The following PKD1L1 variants were observed in gnomAD, a reference collection of about 807,000 sequenced individuals.
The protein encoded by PKD1L1 is polycystin 1 like 1, transient receptor potential channel interacting.
PKD1L1 carries 236 observed loss-of-function variants against 323.4 expected under a neutral mutation model. That is an observed-to-expected ratio of 0.73 (90% CI 0.66 to 0.81). The LOEUF (loss-of-function observed/expected upper bound fraction) is 0.81, where lower values mean the gene tolerates loss of function less well. Ranked by LOEUF, PKD1L1 falls within the 40% of genes least tolerant of loss-of-function variation. The probability of loss-of-function intolerance (pLI) is 0.00; values close to 1 mark genes in which losing one functional copy is unlikely to be tolerated. For synonymous variants in PKD1L1, 1,344 were observed against 1,335.0 expected (o/e 1.01, Z -0.15); for missense variants, 3,320 against 3,508.0 (o/e 0.95, Z 1.35).
At chr7:47,837,965 C>T (rs1583609803) in intron 36 of PKD1L1, among the ~76,000 whole-genome samples, 1 of 152,310 alleles carries the variant, frequency 6.6e-6, no homozygotes, top group East Asian at 1.9e-4. Context: ...CACACAAGTG[C>T]TCATACGTGA....
chr7:47,870,873 G>A (rs62447060), intron 24 of PKD1L1, among the ~76,000 whole-genome samples: 48,770 of 151,180 alleles, frequency 0.32, 8,398 homozygotes, highest in African/African-American at 0.43. Flanking sequence ...CTTGGGAGGC[G>A]GAGGTGGAAG....
chr7:47,943,427 G>A lies in PKD1L1; in HGVS notation c.129C>T (p.Ser43=), dbSNP rs780498114. 6.2e-7 allele frequency: 1 copy of A among 1,613,490 alleles called. No homozygotes were observed. The highest frequency in any genetic ancestry group is 8.5e-7 in the Non-Finnish European group (1 of 1,179,696). Residue 43 remains serine, a synonymous_variant, in exon 2 of 57, where the codon AGC becomes AGT. Coordinates refer to ENST00000289672, the MANE Select transcript of PKD1L1 (RefSeq NM_138295.5). ...ACAATCCACCTCCAGGAGGGCTACAGCTGCACAGATGAAGACCCCAGCTCT... is the reference window on the plus strand; with the variant it reads ...ACAATCCACCTCCAGGAGGGCTACAACTGCACAGATGAAGACCCCAGCTCT... ...TDKSWGLHLC[S]CSPPGGGLWV...
At chr7:47,904,020 T>C (rs961147203) in intron 12 of PKD1L1, among the ~76,000 whole-genome samples, 2 of 152,190 alleles carry the variant, frequency 1.3e-5, no homozygotes, top group Non-Finnish European at 2.9e-5. Flanking sequence ...CATCTCCTGT[T>C]GGCACCTCAC....
intron 41 of PKD1L1, 38 bp from the exon 42 acceptor site, chr7:47,831,390 G>A (rs1423322074): frequency 1.3e-6 from 2 of 1,580,798 alleles, no homozygotes. Context: ...CAGCTTAAGA[G>A]ACCTCGGCAT....
In PKD1L1 at chr7:47,906,038, T is replaced by C. The variant is rs1787199599; in HGVS notation, c.1403-76A>G. The C allele has an allele frequency of 2.2e-6, 3 of 1,339,744 alleles. No individual in the cohort carries two copies. In the African/African-American group the frequency reaches 4.6e-5, roughly 21 times the overall value. The allele number at this position is 1,339,744 out of a possible 1,614,324, so 83.0% of individuals were successfully genotyped here. On this transcript the variant is annotated intron_variant, in intron 9 of 56. Coordinates refer to ENST00000289672, the MANE Select transcript of PKD1L1 (RefSeq NM_138295.5). The stretch of plus-strand genomic sequence containing the variant: ...CTTTTATCATGCAACACACAGTCAG[T>C]ATTTTTCATTTTTAACTTTCCCCCT...
chr7:47,925,935 A>G (rs545060928), intron 7 of PKD1L1, among the ~76,000 whole-genome samples: 1 of 152,360 alleles, frequency 6.6e-6, no homozygotes, highest in African/African-American at 2.4e-5. Flanking sequence ...AAAAAATAAA[A>G]TATCATACAA....
chr7:47,856,431 C>G (rs1463131194), intron 28 of PKD1L1, among the ~76,000 whole-genome samples: 1 of 152,206 alleles, frequency 6.6e-6, no homozygotes, highest in Non-Finnish European at 1.5e-5. Context: ...TATCCCTATG[C>G]TGAACATTTA....
intron 51 of PKD1L1, 187 bp downstream of exon 51, chr7:47,809,286 G>GT (rs1214198122): frequency 1.9e-6 from 1 of 536,036 alleles, no homozygotes; most frequent in African/African-American, 1.9e-5. Context: ...GTACATGACG[G>GT]TAACTGTAAC....
intron 15 of PKD1L1, among the ~76,000 whole-genome samples, chr7:47,893,042 C>A (rs545288323): frequency 6.6e-6 from 1 of 151,982 alleles, no homozygotes; most frequent in African/African-American, 2.4e-5. Context: ...ACTAGCCTGG[C>A]CAACATGGTG....
chr7:47,959,665 G>T, the PKD1L1 span, among the ~76,000 whole-genome samples: 1 of 126,872 alleles, frequency 7.9e-6, no homozygotes, highest in Non-Finnish European at 1.8e-5. Context: ...GTCAGCCCCC[G>T]CCAGGCCAGC....
intron 5 of PKD1L1, 22 bp downstream of exon 5, chr7:47,931,914 A>G: frequency 6.3e-7 from 1 of 1,594,732 alleles, no homozygotes. Flanking sequence ...ATGAAATTCA[A>G]TTGCAGGGGT....
Position 47,931,970 on chromosome 7 carries a change from C to T in PKD1L1, c.485G>A (p.Gly162Glu), listed in dbSNP as rs1787779546. 6.2e-6 allele frequency: 10 copies of T among 1,613,924 alleles called. No homozygotes were observed. The highest frequency in any genetic ancestry group is 8.5e-6 in the Non-Finnish European group (10 of 1,179,878). ...AGCAGAGAATGTGCTGTCTGCGGTC[C>T]CAGTAGCACACAGCCGCCTGTGATG... ...RFHHRRLCAT[G>E]TADSTFSALL... is the part of the protein sequence containing the mutation. The change falls in exon 5 of 57, where the codon GGG (glycine) becomes GAG (glutamate). Residue 162 changes from glycine to glutamate, a missense_variant. Physicochemically the swap from Gly to Glu is moderately conservative, Grantham distance 98 (BLOSUM62 -2). Coordinates refer to ENST00000289672, the MANE Select transcript of PKD1L1 (RefSeq NM_138295.5).
intron 16 of PKD1L1, among the ~76,000 whole-genome samples, 187 bp from the exon 17 acceptor site, chr7:47,888,337 A>G (rs113805155): frequency 0.053 from 7,998 of 152,302 alleles, 540 homozygotes; most frequent in African/African-American, 0.16. Context: ...CTCGACACTC[A>G]CGTGATCTGC....
chr7:47,828,369 A>G (rs1785277032), intron 44 of PKD1L1, among the ~76,000 whole-genome samples: 1 of 151,954 alleles, frequency 6.6e-6, no homozygotes, highest in African/African-American at 2.4e-5. Flanking sequence ...CGAGGGGAGA[A>G]GAGGAAGGAG....
intron 36 of PKD1L1, 36 bp from the exon 37 acceptor site, chr7:47,837,130 G>T (rs1404611555): frequency 6.2e-7 from 1 of 1,606,762 alleles, no homozygotes; most frequent in Non-Finnish European, 8.5e-7. Context: ...TCCCTGACAT[G>T]GAGCATTTCT....
rs573175860 is a variant in PKD1L1, at chr7:47,849,245, T to G, written c.4961-2174A>C. Among the ~76,000 whole-genome samples the G allele has an allele frequency of 5.9e-5, 9 of 152,286 alleles. 1 individual carries two copies. In the South Asian group the frequency reaches 1.9e-3, roughly 32 times the overall value. ...ATCTAAGACTTGAAGCTGTAAAAAT[T>G]CTAAAAGATAACATCAGAAAAACTC... is the stretch of plus-strand genomic sequence containing the variant. On this transcript the variant is annotated intron_variant, in intron 31 of 56. Coordinates refer to ENST00000289672, the MANE Select transcript of PKD1L1 (RefSeq NM_138295.5).
In PKD1L1 at chr7:47,913,605, CT is replaced by C. The variant is rs139295542; in HGVS notation, c.1228+1826del. Among the ~76,000 whole-genome samples, 223 of 152,258 alleles carry C rather than the reference CT, an allele frequency of 1.5e-3. 7 individuals are homozygous for C. The East Asian group carries it at 0.035, about 24-fold the overall frequency. ...TTAAAAGTGTGTGGCACCTCCCCCC[CT>C]CTTGCTCCTACTCCGGCTATGTAAC... On this transcript the variant is annotated intron_variant, in intron 8 of 56. Coordinates refer to ENST00000289672, the MANE Select transcript of PKD1L1 (RefSeq NM_138295.5).
rs66755489 is a variant in PKD1L1 at position 47,835,032 on chromosome 7, G to A, written c.6062C>T (p.Pro2021Leu). 204,449 of 1,613,314 alleles carry A rather than the reference G, an allele frequency of 0.13. 14,619 individuals carry two copies. Among genetic ancestry groups the A allele is most frequent in the African/African-American group, 0.28 (20,764 of 74,918 alleles). The change falls in exon 39 of 57, where the codon CCG becomes CTG. Residue 2021 changes from proline (P) to leucine (L), a missense_variant. By Grantham distance (98) the Pro-to-Leu change is moderately conservative (BLOSUM62 -3). Transcript: ENST00000289672. ...SLLFRLSKEA[P>L]GSARVEPHSP... ...GTGTGGCTCCACTCGGGCAGACCCCGGGGCTTCCTGCAGAAGGAAAGAGGT... is the reference window on the plus strand; with the variant it reads ...GTGTGGCTCCACTCGGGCAGACCCCAGGGCTTCCTGCAGAAGGAAAGAGGT...
intron 14 of PKD1L1, among the ~76,000 whole-genome samples, chr7:47,895,801 T>C (rs1786923085): frequency 6.6e-6 from 1 of 152,198 alleles, no homozygotes; most frequent in African/African-American, 2.4e-5. Flanking sequence ...GTTTTTTGTT[T>C]AATTAAAGTC....
Sources: gnomAD v4.1 joint callset for allele counts (sites outside exome capture counted in the v4.1 genomes callset) on GRCh38, gnomAD v4.1.1 for gene constraint, MANE v1.5 for transcripts, NCBI Gene and HGNC (gene_info 2026-07-23, HGNC 2026-07-21) for gene names.